Variants in FHIT observed in about 807,000 individuals in gnomAD.
FHIT encodes fragile histidine triad diadenosine triphosphatase.
In FHIT, 19 loss-of-function variants were observed where a neutral mutation model predicts 17.9. The ratio of observed to expected loss-of-function variants is 1.06; its 90% confidence interval spans 0.74 to 1.56. The LOEUF (loss-of-function observed/expected upper bound fraction) is 1.56, where lower values mean the gene tolerates loss of function less well. Ranked by LOEUF, FHIT falls within the 40% of genes most tolerant of loss-of-function variation. The pLI is 0.00. For synonymous variants in FHIT, 81 were observed against 69.7 expected, an observed-to-expected ratio of 1.16 and a Z score of -0.81; for missense variants, 248 against 189.2, an observed-to-expected ratio of 1.31 and a Z score of -1.82.
At chr3:60,192,250 C>CAAAAA (rs71089591) in intron 5 of FHIT, among the ~76,000 whole-genome samples, 1 of 121,574 alleles carries the variant, frequency 8.2e-6, no homozygotes. Flanking sequence ...CACTATGTCT[C>CAAAAA]AAAAAAAAAA....
chr3:60,859,721 C>A (rs1194908387), intron 3 of FHIT, among the ~76,000 whole-genome samples: 4 of 90,372 alleles, frequency 4.4e-5, no homozygotes, highest in Non-Finnish European at 8.9e-5. Context: ...ATTCTGAATA[C>A]GATTTTTTTT....
chr3:60,550,313 CAGT>C (rs1483122445), intron 4 of FHIT, among the ~76,000 whole-genome samples: 1 of 141,386 alleles, frequency 7.1e-6, no homozygotes, highest in East Asian at 2.3e-4. Flanking sequence ...CCACAGGAGA[CAGT>C]AGAAGAGGAT....
Position 60,730,220 on chromosome 3 carries a change from G to A in FHIT, c.-18+91699C>T. 1.0e-5 allele frequency: 3 copies of A among 293,184 alleles called. No individual in the cohort carries two copies. In the South Asian group the frequency reaches 1.2e-4, roughly 11 times the overall value. 18.2% of individuals were successfully genotyped at this position (293,184 alleles called of 1,614,324 possible). A position where few individuals can be genotyped will look rare whatever the true frequency, so the allele number is the denominator to read the frequency against. ...CAGATTTTCGTGTATTCCTCTTTGT[G>A]CTGTACAGCTGTCATGGCCACAGCC... On this transcript the variant is annotated intron_variant, in intron 4 of 9. Coordinates refer to ENST00000492590, the MANE Select transcript of FHIT (RefSeq NM_002012.4).
At chr3:59,984,887 T>C (rs1040486976) in intron 7 of FHIT, among the ~76,000 whole-genome samples, 2 of 152,030 alleles carry the variant, frequency 1.3e-5, no homozygotes, top group African/African-American at 4.8e-5. Context: ...TCAAATGTGG[T>C]CCCTAATCTT....
At chr3:59,867,508 A>T (rs768734927) in intron 8 of FHIT, among the ~76,000 whole-genome samples, 28 of 152,010 alleles carry the variant, frequency 1.8e-4, no homozygotes, top group Non-Finnish European at 4.4e-5. Context: ...TCTCATTCTG[A>T]TCCTAAATCT....
At chr3:61,237,566 T>C (rs959744104) in intron 1 of FHIT, among the ~76,000 whole-genome samples, 9 of 152,324 alleles carry the variant, frequency 5.9e-5, no homozygotes, top group East Asian at 1.9e-4. Context: ...AAGGTTTAGT[T>C]ATGATTTATA....
intron 5 of FHIT, among the ~76,000 whole-genome samples, chr3:60,146,866 T>C (rs1414955304): frequency 6.6e-6 from 1 of 152,136 alleles, no homozygotes; most frequent in Non-Finnish European, 1.5e-5. Flanking sequence ...TCCAAGAAAA[T>C]AAAATGTGTT....
chr3:60,982,492 T>C (rs776119816), intron 3 of FHIT, among the ~76,000 whole-genome samples: 2 of 152,240 alleles, frequency 1.3e-5, no homozygotes, highest in Non-Finnish European at 2.9e-5. Flanking sequence ...GCTTCATAAA[T>C]ATAATCAGCC....
intron 5 of FHIT, among the ~76,000 whole-genome samples, chr3:60,222,325 C>G (rs1704000594): frequency 6.6e-6 from 1 of 152,176 alleles, no homozygotes; most frequent in South Asian, 2.1e-4. Flanking sequence ...TTCTTCTACC[C>G]TCCCCTCCCT....
At chr3:59,888,818 A>G (rs1317379115) in intron 8 of FHIT, among the ~76,000 whole-genome samples, 1 of 152,198 alleles carries the variant, frequency 6.6e-6, no homozygotes, top group Non-Finnish European at 1.5e-5. Flanking sequence ...GATTTATAAT[A>G]AACAGAAATT....
At position 60,078,871 on chromosome 3, in the gene FHIT, G is replaced by A. The variant is rs188209817; in HGVS notation, c.104-64719C>T. 1.1e-4 allele frequency among the ~76,000 whole-genome samples: 17 copies of A among 151,714 alleles called. No homozygotes were observed. In the East Asian group the frequency reaches 2.9e-3, roughly 26 times the overall value. On this transcript the variant is annotated intron_variant, in intron 5 of 9. Coordinates refer to ENST00000492590, the MANE Select transcript of FHIT (RefSeq NM_002012.4). ...AATATCTGGGGATCTGAGGGAGGAG[G>A]GTAGAGGGATTCTTTACATTATGCT...
At chr3:60,663,790 T>G (rs1302464895) in intron 4 of FHIT, among the ~76,000 whole-genome samples, 1 of 152,180 alleles carries the variant, frequency 6.6e-6, no homozygotes, top group East Asian at 1.9e-4. Context: ...TGATACACTG[T>G]TTTTGATATT....
At chr3:60,425,354 G>T (rs1056203891) in intron 5 of FHIT, among the ~76,000 whole-genome samples, 2 of 152,134 alleles carry the variant, frequency 1.3e-5, no homozygotes, top group African/African-American at 4.8e-5. Context: ...CACTGCCAAA[G>T]ATGATCTTTC....
At chr3:61,247,727 A>C (rs914894086) in intron 1 of FHIT, among the ~76,000 whole-genome samples, 2 of 152,212 alleles carry the variant, frequency 1.3e-5, no homozygotes, top group African/African-American at 4.8e-5. Flanking sequence ...TAAAGTTTTA[A>C]ATCTTGAGGA....
intron 2 of FHIT, among the ~76,000 whole-genome samples, chr3:61,062,880 C>A (rs921704081): frequency 6.6e-6 from 1 of 152,198 alleles, no homozygotes; most frequent in Non-Finnish European, 1.5e-5. Context: ...TGCTATTCAT[C>A]AGCTCTGCTC....
chr3:60,339,642 A>T (rs1207461240), intron 5 of FHIT, among the ~76,000 whole-genome samples: 2 of 152,202 alleles, frequency 1.3e-5, no homozygotes, highest in African/African-American at 4.8e-5. Flanking sequence ...CCAGAAGGAA[A>T]TATTTGTAGC....
rs184601378 is a variant in FHIT at position 59,847,810 on chromosome 3, C to T, written c.348+74536G>A. 2.6e-5 allele frequency among the ~76,000 whole-genome samples: 4 copies of T among 152,258 alleles called. No individual in the cohort carries two copies. In the East Asian group the frequency reaches 7.7e-4, roughly 29 times the overall value. On this transcript the variant is annotated intron_variant, in intron 8 of 9. Transcript: ENST00000492590. ...AGCAAGGATCACTCTGAGGTATAAACTTAAAGTCTTTTCTGAGCCAGTGCC... is the reference window on the plus strand; with the variant it reads ...AGCAAGGATCACTCTGAGGTATAAATTTAAAGTCTTTTCTGAGCCAGTGCC...
intron 7 of FHIT, among the ~76,000 whole-genome samples, chr3:60,009,375 G>A (rs752831980): frequency 3.4e-4 from 52 of 151,968 alleles, no homozygotes; most frequent in Non-Finnish European, 4.0e-4. Context: ...AAACAGAATC[G>A]TTTTAAAAAG....
rs547726021 is a variant in FHIT, at chr3:60,909,318, G to A, written c.-110-87307C>T. On this transcript the variant is annotated intron_variant, in intron 3 of 9. Coordinates refer to ENST00000492590, the MANE Select transcript of FHIT (RefSeq NM_002012.4). ...CGGAAGGTGGAGGTTGCAGTGAGCCGAGATCATGCCACTGCACTCCAGTCT... is the reference window on the plus strand; with the variant it reads ...CGGAAGGTGGAGGTTGCAGTGAGCCAAGATCATGCCACTGCACTCCAGTCT... Among the ~76,000 whole-genome samples the A allele has an allele frequency of 5.4e-5, 8 of 146,792 alleles. No individual in the cohort carries two copies. In the East Asian group the frequency reaches 1.6e-3, roughly 29 times the overall value.
Sources: allele counts gnomAD v4.1 joint callset (sites outside exome capture counted in the v4.1 genomes callset), GRCh38; gene constraint gnomAD v4.1.1; transcripts MANE v1.5; gene names NCBI Gene and HGNC (gene_info 2026-07-23, HGNC 2026-07-21).